GIGYF2: variants seen among roughly 807,000 people sequenced by gnomAD.
The protein encoded by GIGYF2 is GRB10-interacting GYF protein 2.
GIGYF2 carries 25 observed loss-of-function variants against 208.1 expected under a neutral mutation model. That is an observed-to-expected ratio of 0.12 (90% CI 0.09 to 0.17). GIGYF2 has a LOEUF of 0.17. Ranked by LOEUF, GIGYF2 falls within the 10% of genes least tolerant of loss-of-function variation. GIGYF2 has a pLI of 1.00. For missense variants in GIGYF2, 1,302 were observed against 1,579.4 expected (o/e 0.82, Z 2.98); for synonymous variants, 534 against 543.8 (o/e 0.98, Z 0.25).
rs144598016 is a variant in GIGYF2, at chr2:232,788,562, G to T, written c.712+1233G>T. 1.3e-3 allele frequency: 631 copies of T among 471,014 alleles called. 5 individuals carry two copies. The highest frequency in any genetic ancestry group is 4.4e-3 in the South Asian group (283 of 64,498). The allele number at this position is 471,014 out of a possible 1,614,324, so 29.2% of individuals were successfully genotyped here. A position where few individuals can be genotyped will look rare whatever the true frequency, so the allele number is the denominator to read the frequency against. ...ATAGGATCTGGGCTGAGAGAGAAAAGAAATTCCAGCTGGTCAAAAACAAAC... is the reference window on the plus strand; with the variant it reads ...ATAGGATCTGGGCTGAGAGAGAAAATAAATTCCAGCTGGTCAAAAACAAAC... On this transcript the variant is annotated intron_variant, in intron 9 of 28. Coordinates refer to ENST00000373563, the MANE Select transcript of GIGYF2 (RefSeq NM_001103146.3).
At chr2:232,782,468 CAT>C (rs1422313687) in intron 8 of GIGYF2, among the ~76,000 whole-genome samples, 1 of 152,166 alleles carries the variant, frequency 6.6e-6, no homozygotes, top group Non-Finnish European at 1.5e-5. Context: ...GAAATGCAAA[CAT>C]ATACTTACCA....
intron 23 of GIGYF2, among the ~76,000 whole-genome samples, chr2:232,840,750 G>A (rs934293156): frequency 3.3e-5 from 5 of 152,150 alleles, no homozygotes; most frequent in African/African-American, 1.2e-4. Flanking sequence ...TGGGAGTCAG[G>A]GATAATGATG....
chr2:232,728,417 G>C (rs1248669471), intron 2 of GIGYF2, among the ~76,000 whole-genome samples: 1 of 152,168 alleles, frequency 6.6e-6, no homozygotes, highest in African/African-American at 2.4e-5. Context: ...TGCATTAATA[G>C]AGTTTGGACT....
intron 6 of GIGYF2, among the ~76,000 whole-genome samples, chr2:232,759,097 T>TACCCA (rs1329493885): frequency 4.2e-4 from 64 of 152,302 alleles, no homozygotes; most frequent in African/African-American, 1.5e-3. Context: ...CACAAAATAA[T>TACCCA]TTGGTGCATT....
intron 18 of GIGYF2, among the ~76,000 whole-genome samples, chr2:232,814,564 A>ACCCCCCCCCCCCC (rs1187503725): frequency 1.5e-5 from 1 of 65,216 alleles, no homozygotes; most frequent in Non-Finnish European, 3.1e-5. Context: ...CTCCACCTCA[A>ACCCCCCCCCCCCC]ACCCCCCCCC....
intron 6 of GIGYF2, among the ~76,000 whole-genome samples, chr2:232,757,730 C>T (rs1238851096): frequency 6.7e-6 from 1 of 150,326 alleles, no homozygotes; most frequent in Non-Finnish European, 1.5e-5. Flanking sequence ...ATAACACCGA[C>T]TTTTGTGTGC....
chr2:232,769,658 G>A (rs1559417151), intron 8 of GIGYF2, among the ~76,000 whole-genome samples: 1 of 152,002 alleles, frequency 6.6e-6, no homozygotes, highest in South Asian at 2.1e-4. Context: ...TCTTCCTTGT[G>A]CCCTAAGCTA....
chr2:232,753,823 GTTGACCATAGGACATTGCAGTTTT>G (rs1279280243), intron 5 of GIGYF2, among the ~76,000 whole-genome samples: 1 of 152,104 alleles, frequency 6.6e-6, no homozygotes, highest in Non-Finnish European at 1.5e-5. Flanking sequence ...TATATATTAG[GTTGACCATAGGACATTGCAGTTTT>G]TGTTATCACA....
At chr2:232,763,244 A>G (rs567496345) in intron 8 of GIGYF2, among the ~76,000 whole-genome samples, 1 of 149,352 alleles carries the variant, frequency 6.7e-6, no homozygotes, top group Admixed American at 6.6e-5. Context: ...TCAGAAGATC[A>G]TGGTTATTCT....
intron 8 of GIGYF2, among the ~76,000 whole-genome samples, chr2:232,774,299 A>C (rs1440749956): frequency 2.0e-5 from 3 of 152,156 alleles, no homozygotes; most frequent in Admixed American, 6.5e-5. Flanking sequence ...GCCGCTCCAG[A>C]GTGTTTGTTC....
rs79597115 is a variant in GIGYF2 at position 232,845,604 on chromosome 2, G to A, written c.3306-128G>A. On this transcript the variant is annotated intron_variant, in intron 25 of 28. Coordinates refer to ENST00000373563, the MANE Select transcript of GIGYF2 (RefSeq NM_001103146.3). ...AAATATTTGAATTTTTTTCTTTTTT[G>A]GAGCCAAGCATTGGATTATTTACTG... 1,293 of 819,348 alleles carry A rather than the reference G, an allele frequency of 1.6e-3. 15 individuals carry two copies. The African/African-American group carries it at 0.017, about 11-fold the overall frequency. 50.8% of individuals were successfully genotyped at this position (819,348 alleles called of 1,614,324 possible). A position where few individuals can be genotyped will look rare whatever the true frequency, so the allele number is the denominator to read the frequency against.
intron 23 of GIGYF2, among the ~76,000 whole-genome samples, chr2:232,842,457 T>C (rs1375728971): frequency 6.6e-6 from 1 of 152,226 alleles, no homozygotes; most frequent in African/African-American, 2.4e-5. Flanking sequence ...AAATGCACCA[T>C]CTTACCTCTC....
intron 8 of GIGYF2, among the ~76,000 whole-genome samples, chr2:232,771,863 A>C (rs1017717493): frequency 6.6e-6 from 1 of 152,238 alleles, no homozygotes; most frequent in African/African-American, 2.4e-5. Context: ...GCTTATTATT[A>C]AACTGTCTGC....
At chr2:232,828,520 A>G (rs886661917) in intron 21 of GIGYF2, 5 of 152,038 alleles carry the variant, frequency 3.3e-5, no homozygotes, top group African/African-American at 1.2e-4. Context: ...TGGTGTGATC[A>G]TAGCTCACTG....
In GIGYF2 at chr2:232,731,876, A is replaced by AT. The variant is rs202226420; in HGVS notation, c.-43-3273dup. Among the ~76,000 whole-genome samples, 110 of 135,474 alleles carry AT rather than the reference A, an allele frequency of 8.1e-4. 1 individual carries two copies. In the East Asian group the frequency reaches 9.7e-3, roughly 12 times the overall value. The allele number at this position is 135,474 out of a possible 152,430, so 88.9% of individuals were successfully genotyped here. On this transcript the variant is annotated intron_variant, in intron 2 of 28. Coordinates refer to ENST00000373563, the MANE Select transcript of GIGYF2 (RefSeq NM_001103146.3). ...GCTTTTCTTGTTAGAATTATTTTAT[A>AT]TTTTTTAAAAAAGCTCTGTTAAACT...
intron 27 of GIGYF2, among the ~76,000 whole-genome samples, chr2:232,848,675 A>G (rs889911324): frequency 6.6e-6 from 1 of 152,234 alleles, no homozygotes; most frequent in South Asian, 2.1e-4. Context: ...AAAAAGCACA[A>G]AAATTTGGAA....
intron 8 of GIGYF2, among the ~76,000 whole-genome samples, chr2:232,779,367 A>AT (rs1242452827): frequency 3.3e-5 from 5 of 152,130 alleles, no homozygotes; most frequent in African/African-American, 1.2e-4. Flanking sequence ...AAGGCATTTG[A>AT]TTTTCTTTCT....
intron 8 of GIGYF2, among the ~76,000 whole-genome samples, chr2:232,763,576 G>C (rs1698831084): frequency 6.6e-6 from 1 of 152,054 alleles, no homozygotes; most frequent in Non-Finnish European, 1.5e-5. Context: ...TGTAATCCTA[G>C]AACTTTGGGA....
chr2:232,830,486 A>C (rs527927133), intron 21 of GIGYF2, among the ~76,000 whole-genome samples: 1 of 152,264 alleles, frequency 6.6e-6, no homozygotes, highest in South Asian at 2.1e-4. Context: ...ATTTTCAGAG[A>C]AACTGGGAAT....
Sources: gnomAD v4.1 joint callset for allele counts (sites outside exome capture counted in the v4.1 genomes callset) on GRCh38, gnomAD v4.1.1 for gene constraint, MANE v1.5 for transcripts, NCBI Gene and HGNC (gene_info 2026-07-23, HGNC 2026-07-21) for gene names.